The following BTBD9 variants were observed in gnomAD, a reference collection of about 807,000 sequenced individuals.
BTBD9 encodes the protein BTB/POZ domain-containing protein 9.
In BTBD9, 49 loss-of-function variants were observed where a neutral mutation model predicts 64.3. That is an observed-to-expected ratio of 0.76 (90% CI 0.61 to 0.97). The LOEUF is 0.97. Ranked by LOEUF, BTBD9 falls within the 50% of genes least tolerant of loss-of-function variation. The probability of loss-of-function intolerance (pLI) is 0.00; values close to 1 mark genes in which losing one functional copy is unlikely to be tolerated. For synonymous variants in BTBD9, 260 were observed against 274.7 expected (o/e 0.95, Z 0.53); for missense variants, 598 against 762.1 (o/e 0.78, Z 2.53).
At chr6:38,591,781 A>T (rs1470420239) in intron 4 of BTBD9, among the ~76,000 whole-genome samples, 5 of 152,218 alleles carry the variant, frequency 3.3e-5, no homozygotes, top group Admixed American at 6.5e-5. Flanking sequence ...AATTGCTATA[A>T]ATCCATTAAT....
intron 1 of BTBD9, among the ~76,000 whole-genome samples, chr6:38,603,416 AT>A (rs1473625100): frequency 6.6e-6 from 1 of 152,204 alleles, no homozygotes; most frequent in Admixed American, 6.5e-5. Flanking sequence ...ACCAACACCC[AT>A]TTGTTCTAAC....
At chr6:38,472,873 T>C (rs1204511694) in intron 6 of BTBD9, among the ~76,000 whole-genome samples, 1 of 152,234 alleles carries the variant, frequency 6.6e-6, no homozygotes, top group Non-Finnish European at 1.5e-5. Context: ...GAAAATCAGC[T>C]TCCAATTTAA....
At chr6:38,443,595 G>A (rs1173592781) in intron 6 of BTBD9, among the ~76,000 whole-genome samples, 1 of 152,124 alleles carries the variant, frequency 6.6e-6, no homozygotes, top group African/African-American at 2.4e-5. Context: ...AGCTGCTCAA[G>A]CCAGAAATCA....
rs921761846 is a variant in BTBD9 at position 38,304,978 on chromosome 6, CT to C, written c.1265-16518del. ...AATGTGAGTTTCATAAGGGCAGGAA[CT>C]TTTTTTTTTTTTCTGCAGCTGTATT... On this transcript the variant is annotated intron_variant, in intron 7 of 10. Transcript: ENST00000481247. Among the ~76,000 whole-genome samples, 724 of 146,102 alleles carry C rather than the reference CT, an allele frequency of 5.0e-3. 2 individuals carry two copies. Among genetic ancestry groups the C allele is most frequent in the African/African-American group, 0.015 (588 of 40,012 alleles).
intron 9 of BTBD9, among the ~76,000 whole-genome samples, chr6:38,251,263 G>A (rs1054295935): frequency 7.5e-5 from 11 of 146,294 alleles, no homozygotes; most frequent in Non-Finnish European, 1.5e-4. Context: ...AAAGAGGTGT[G>A]ATTTTTTTTT....
intron 6 of BTBD9, among the ~76,000 whole-genome samples, chr6:38,500,701 C>T (rs745923560): frequency 9.2e-5 from 14 of 152,150 alleles, no homozygotes; most frequent in Non-Finnish European, 1.3e-4. Flanking sequence ...CCAGAAGCCC[C>T]GGAAGCGCAT....
rs375775663 is a variant in BTBD9, at chr6:38,580,420, C to T, written c.832G>A (p.Ala278Thr). 1 of 1,613,750 alleles carries T rather than the reference C, an allele frequency of 6.2e-7. No individual in the cohort carries two copies. The highest frequency in any genetic ancestry group is 1.3e-5 in the African/African-American group (1 of 74,882). Residue 278 changes from alanine to threonine, a missense_variant, in exon 5 of 11, where the codon GCA (alanine) becomes ACA (threonine). By Grantham distance (58) the Ala-to-Thr change is moderately conservative. Transcript: ENST00000481247. ...ACTTGGGCTCCATACTTCATAGTTG[C>T]AATGTTTTCTTCTGGTACTACAGTT... ...RGMLIPEENI[A>T]TMKYGAQVVK...
At chr6:38,530,124 G>A (rs989238043) in intron 6 of BTBD9, among the ~76,000 whole-genome samples, 10 of 152,082 alleles carry the variant, frequency 6.6e-5, no homozygotes, top group African/African-American at 2.2e-4. Context: ...ACTGAGATAC[G>A]CCCTGGTCTC....
intron 9 of BTBD9, among the ~76,000 whole-genome samples, chr6:38,206,245 C>T (rs1410406143): frequency 6.6e-6 from 1 of 150,706 alleles, no homozygotes; most frequent in Non-Finnish European, 1.5e-5. Flanking sequence ...GAGATGGAGT[C>T]TTGCTCTGTT....
chr6:38,385,794 CTTTTTT>C (rs34019950), intron 6 of BTBD9, among the ~76,000 whole-genome samples: 1 of 129,422 alleles, frequency 7.7e-6, no homozygotes, highest in African/African-American at 3.0e-5. Flanking sequence ...TAATATCATA[CTTTTTT>C]TTTTTTTTTT....
chr6:38,195,214 T>G (rs1762235524), intron 9 of BTBD9, among the ~76,000 whole-genome samples: 1 of 152,234 alleles, frequency 6.6e-6, no homozygotes, highest in Non-Finnish European at 1.5e-5. Context: ...GCAATCACTA[T>G]GAAACCTCAA....
chr6:38,539,467 T>G (rs926912830), intron 6 of BTBD9, among the ~76,000 whole-genome samples: 1 of 152,208 alleles, frequency 6.6e-6, no homozygotes, highest in Non-Finnish European at 1.5e-5. Flanking sequence ...TGGCTGATAT[T>G]ATAAGTATTA....
chr6:38,569,361 G>A (rs2127464073), intron 6 of BTBD9, among the ~76,000 whole-genome samples: 1 of 152,276 alleles, frequency 6.6e-6, no homozygotes, highest in South Asian at 2.1e-4. Flanking sequence ...AAGTAATAAA[G>A]TAGTATTCAG....
chr6:38,630,156 A>G (rs1778313149), intron 1 of BTBD9, among the ~76,000 whole-genome samples: 1 of 149,648 alleles, frequency 6.7e-6, no homozygotes, highest in Non-Finnish European at 1.5e-5. Context: ...GTGAGCCGAG[A>G]TGGTGCCACC....
intron 6 of BTBD9, among the ~76,000 whole-genome samples, chr6:38,358,929 G>C (rs56321884): frequency 0.019 from 2,927 of 151,740 alleles, 102 homozygotes; most frequent in African/African-American, 0.067. Context: ...CCGCCACCGC[G>C]CCCGGCTAAT....
rs573862859 is a variant in BTBD9, at chr6:38,512,296, A to C, written c.1154+65304T>G. ...CCACTACTATGTTTTAAAAAAGGAAAGGGATACTACAGTTTGCATCACTCA... is the reference window on the plus strand; with the variant it reads ...CCACTACTATGTTTTAAAAAAGGAACGGGATACTACAGTTTGCATCACTCA... On this transcript the variant is annotated intron_variant, in intron 6 of 10. Coordinates refer to ENST00000481247, the MANE Select transcript of BTBD9 (RefSeq NM_001099272.2). Among the ~76,000 whole-genome samples, 4 of 152,312 alleles carry C rather than the reference A, an allele frequency of 2.6e-5. No homozygotes were observed. In the East Asian group the frequency reaches 7.7e-4, roughly 29 times the overall value.
intron 8 of BTBD9, among the ~76,000 whole-genome samples, chr6:38,280,398 C>G (rs918450638): frequency 6.6e-6 from 1 of 152,188 alleles, no homozygotes; most frequent in Non-Finnish European, 1.5e-5. Context: ...ATCAGTGAGA[C>G]AAGGAAGAAT....
At chr6:38,404,158 A>C (rs1021437053) in intron 6 of BTBD9, among the ~76,000 whole-genome samples, 2 of 152,210 alleles carry the variant, frequency 1.3e-5, no homozygotes, top group Non-Finnish European at 2.9e-5. Context: ...TGATGGATGC[A>C]CAACCTTCTG....
At chr6:38,616,090 C>T (rs1396742043) in intron 1 of BTBD9, among the ~76,000 whole-genome samples, 2 of 152,182 alleles carry the variant, frequency 1.3e-5, no homozygotes, top group African/African-American at 4.8e-5. Context: ...AAGCAAGCTG[C>T]CATGTTGTGA....
Sources: gnomAD v4.1 joint callset for allele counts (sites outside exome capture counted in the v4.1 genomes callset) on GRCh38, gnomAD v4.1.1 for gene constraint, MANE v1.5 for transcripts, NCBI Gene and HGNC (gene_info 2026-07-23, HGNC 2026-07-21) for gene names.